The following RELCH variants were observed in gnomAD, a reference collection of about 807,000 sequenced individuals.
RELCH encodes RAB11-binding protein RELCH.
In RELCH, 41 loss-of-function variants were observed where a neutral mutation model predicts 150.3. The ratio of observed to expected loss-of-function variants is 0.27; its 90% CI spans 0.21 to 0.35. RELCH has a LOEUF of 0.35. Ranked by LOEUF, RELCH falls within the 10% of genes least tolerant of loss-of-function variation. The probability of loss-of-function intolerance (pLI) is 1.00; values close to 1 mark genes in which losing one functional copy is unlikely to be tolerated. For synonymous variants in RELCH, 478 were observed against 531.8 expected, an observed-to-expected ratio of 0.90 and a Z score of 1.39; for missense variants, 1,092 against 1,467.8, an observed-to-expected ratio of 0.74 and a Z score of 4.18.
At chr18:62,203,468 T>C (rs2039579190) in intron 1 of RELCH, among the ~76,000 whole-genome samples, 1 of 151,966 alleles carries the variant, frequency 6.6e-6, no homozygotes. Flanking sequence ...AAAAAAAGAA[T>C]GTCCAAGCTC....
At chr18:62,240,918 C>T (rs923515812) in intron 10 of RELCH, among the ~76,000 whole-genome samples, 4 of 151,834 alleles carry the variant, frequency 2.6e-5, no homozygotes, top group African/African-American at 7.3e-5. Flanking sequence ...GTTGGGCTGG[C>T]GAGACTGAGG....
At chr18:62,201,856 C>G (rs1010671310) in intron 1 of RELCH, among the ~76,000 whole-genome samples, 6 of 152,104 alleles carry the variant, frequency 3.9e-5, no homozygotes, top group Admixed American at 3.3e-4. Context: ...GTCCGTTTTT[C>G]TGATGCATTT....
At chr18:62,229,514 G>GTCTGTC (rs572665794) in intron 8 of RELCH, among the ~76,000 whole-genome samples, 1 of 143,254 alleles carries the variant, frequency 7.0e-6, no homozygotes, top group South Asian at 2.4e-4. Context: ...GTGTGTGTGT[G>GTCTGTC]TGTGTGTCTG....
chr18:62,277,753 TA>T, intron 22 of RELCH: 1 of 818,938 alleles, frequency 1.2e-6, no homozygotes, highest in Non-Finnish European at 1.5e-6. Context: ...CATTGTTAAA[TA>T]AGGGAATATA....
chr18:62,239,960 A>G (rs2042060595), intron 10 of RELCH, among the ~76,000 whole-genome samples: 1 of 151,966 alleles, frequency 6.6e-6, no homozygotes, highest in Admixed American at 6.6e-5. Context: ...TCCAAATGTA[A>G]TATATATTTG....
chr18:62,266,488 A>G (rs1031070056), intron 18 of RELCH, among the ~76,000 whole-genome samples: 1 of 151,894 alleles, frequency 6.6e-6, no homozygotes, highest in African/African-American at 2.4e-5. Flanking sequence ...GATTTTTTCA[A>G]AAATTTATCC....
intron 3 of RELCH, 21 bp from the exon 4 acceptor site, chr18:62,221,198 A>G: frequency 6.2e-7 from 1 of 1,600,916 alleles, no homozygotes; most frequent in South Asian, 1.1e-5. Flanking sequence ...GTAAAATAGT[A>G]CTTATGTTTT....
At chr18:62,268,174 G>A (rs17718649) in intron 19 of RELCH, among the ~76,000 whole-genome samples, 24,738 of 152,040 alleles carry the variant, frequency 0.16, 2,700 homozygotes, top group Middle Eastern at 0.28. Context: ...ACTTAAAACA[G>A]TGCCTCATGA....
At chr18:62,223,102 T>C (rs996740805) in intron 5 of RELCH, among the ~76,000 whole-genome samples, 1 of 151,382 alleles carries the variant, frequency 6.6e-6, no homozygotes, top group Non-Finnish European at 1.5e-5. Flanking sequence ...AAACCCAAAG[T>C]AAGTAGAAGA....
At chr18:62,218,705 ATTAC>A (rs968235322) in intron 2 of RELCH, among the ~76,000 whole-genome samples, 1 of 151,972 alleles carries the variant, frequency 6.6e-6, no homozygotes, top group African/African-American at 2.4e-5. Context: ...CTTTGCAGTT[ATTAC>A]TTTAGTTCTA....
intron 1 of RELCH, among the ~76,000 whole-genome samples, chr18:62,207,656 T>C (rs2039892744): frequency 6.6e-6 from 1 of 152,348 alleles, no homozygotes; most frequent in East Asian, 1.9e-4. Flanking sequence ...TATTGTCTTG[T>C]CTTTTTATTA....
chr18:62,252,246 G>A (rs1425829933), intron 11 of RELCH, among the ~76,000 whole-genome samples: 6 of 150,464 alleles, frequency 4.0e-5, no homozygotes, highest in African/African-American at 1.2e-4. Context: ...TGATCTGCCC[G>A]CCTCAGCCTC....
At chr18:62,249,500 C>T (rs1418200775) in intron 11 of RELCH, among the ~76,000 whole-genome samples, 3 of 152,076 alleles carry the variant, frequency 2.0e-5, no homozygotes, top group Admixed American at 6.6e-5. Context: ...CTTGGTGGTA[C>T]TATAGGAAAA....
chr18:62,275,873 T>C (rs1456134522), intron 22 of RELCH, among the ~76,000 whole-genome samples: 1 of 152,202 alleles, frequency 6.6e-6, no homozygotes, highest in Non-Finnish European at 1.5e-5. Context: ...AGAAAATCAA[T>C]TATTGAAATT....
In RELCH at chr18:62,276,859, T is replaced by C. The variant is rs2044237979; in HGVS notation, c.2967+1386T>C. ...ATGCCAAAGCCACTATTTGGTTTTA[T>C]GTCTAGTACAAGTTCCTTCTGGATA... On this transcript the variant is annotated intron_variant, in intron 22 of 28. Transcript: ENST00000644646. Among the ~76,000 whole-genome samples the C allele has an allele frequency of 2.0e-5, 3 of 152,152 alleles. No homozygotes were observed. In the South Asian group the frequency reaches 6.2e-4, roughly 32 times the overall value.
intron 1 of RELCH, among the ~76,000 whole-genome samples, chr18:62,189,361 A>G (rs946743583): frequency 3.4e-5 from 5 of 149,156 alleles, no homozygotes; most frequent in Non-Finnish European, 7.4e-5. Flanking sequence ...CTAAGATGTC[A>G]CCTTTGTACA....
chr18:62,262,417 T>C (rs1483965427), intron 16 of RELCH, among the ~76,000 whole-genome samples: 3 of 152,076 alleles, frequency 2.0e-5, no homozygotes, highest in Non-Finnish European at 2.9e-5. Flanking sequence ...AATTATAACA[T>C]TGAGAACATC....
chr18:62,196,392 G>A (rs2039049708), intron 1 of RELCH, among the ~76,000 whole-genome samples: 1 of 152,086 alleles, frequency 6.6e-6, no homozygotes, highest in Admixed American at 6.5e-5. Flanking sequence ...ACCACACCTG[G>A]CTAATTTTTG....
intron 2 of RELCH, among the ~76,000 whole-genome samples, chr18:62,220,621 T>C (rs1216123757): frequency 2.0e-5 from 3 of 152,088 alleles, no homozygotes; most frequent in Non-Finnish European, 4.4e-5. Flanking sequence ...GAATATTTGC[T>C]TGGGCTTCAT....
Sources: gnomAD v4.1 joint callset for allele counts (sites outside exome capture counted in the v4.1 genomes callset) on GRCh38, gnomAD v4.1.1 for gene constraint, MANE v1.5 for transcripts, NCBI Gene and HGNC (gene_info 2026-07-23, HGNC 2026-07-21) for gene names.